Variants in GLI2 observed in about 807,000 individuals in gnomAD.
GLI2 encodes GLI family zinc finger 2, also known as transcription activator GLI2.
Under a neutral mutation model 78.9 loss-of-function variants are expected in GLI2, and 22 were observed. That is an observed-to-expected ratio of 0.28 (90% CI 0.20 to 0.40). The LOEUF is 0.40. GLI2 is among the 10% of genes least tolerant of loss of function. GLI2 has a pLI of 1.00. For synonymous variants in GLI2, 974 were observed against 963.7 expected (o/e 1.01, Z -0.20); for missense variants, 2,097 against 2,213.2 (o/e 0.95, Z 1.05).
intron 2 of GLI2, among the ~76,000 whole-genome samples, chr2:120,920,273 A>G (rs1408393663): frequency 1.3e-5 from 2 of 152,264 alleles, no homozygotes; most frequent in East Asian, 3.8e-4. Flanking sequence ...GAGCCCAGCC[A>G]CGGGGCAGTG....
chr2:120,832,900 A>C (rs994441991), intron 2 of GLI2, among the ~76,000 whole-genome samples: 2 of 152,038 alleles, frequency 1.3e-5, no homozygotes, highest in Non-Finnish European at 2.9e-5. Context: ...TTCCTCTCTG[A>C]GACCCTTCCT....
At chr2:120,848,820 G>A (rs1687247206) in intron 2 of GLI2, among the ~76,000 whole-genome samples, 1 of 152,198 alleles carries the variant, frequency 6.6e-6, no homozygotes, top group Admixed American at 6.5e-5. Flanking sequence ...GAAGGAAGGA[G>A]TGGCAGGAAG....
At chr2:120,819,224 G>T (rs1465757996) in intron 2 of GLI2, among the ~76,000 whole-genome samples, 1 of 146,932 alleles carries the variant, frequency 6.8e-6, no homozygotes, top group Non-Finnish European at 1.5e-5. Flanking sequence ...GAGTGACAGA[G>T]TGCCACTAAT....
chr2:120,924,303 G>A (rs997423527), intron 2 of GLI2, among the ~76,000 whole-genome samples: 13 of 152,278 alleles, frequency 8.5e-5, no homozygotes, highest in South Asian at 4.1e-4. Context: ...GTGGTGGGTC[G>A]ATGGGGGTCT....
At chr2:120,793,686 C>T (rs1684252388) in intron 1 of GLI2, among the ~76,000 whole-genome samples, 1 of 152,218 alleles carries the variant, frequency 6.6e-6, no homozygotes, top group Non-Finnish European at 1.5e-5. Flanking sequence ...TGCATCTGCT[C>T]CCCACAGGCG....
chr2:120,821,839 C>T (rs527688229), intron 2 of GLI2, among the ~76,000 whole-genome samples: 16 of 152,310 alleles, frequency 1.1e-4, no homozygotes, highest in African/African-American at 3.1e-4. Flanking sequence ...ACCAGGGCCG[C>T]CCAGCTGGAT....
chr2:120,754,207 T>A lies in GLI2; in HGVS notation c.-31+17922T>A, dbSNP rs534029998. On this transcript the variant is annotated intron_variant, in intron 1 of 13. Coordinates refer to ENST00000361492, the MANE Select transcript of GLI2 (RefSeq NM_001374353.1). ...GAAGTTTACACTCCCACCAGCAACG[T>A]ACGAGAGTGCTTATCTGCCCATATC... 5.3e-5 allele frequency among the ~76,000 whole-genome samples: 8 copies of A among 152,324 alleles called. No homozygotes were observed. In the South Asian group the frequency reaches 1.7e-3, roughly 32 times the overall value.
chr2:120,915,320 G>A (rs570326083), intron 2 of GLI2, among the ~76,000 whole-genome samples: 6 of 152,362 alleles, frequency 3.9e-5, no homozygotes, highest in East Asian at 1.9e-4. Flanking sequence ...TCAGCCAGCC[G>A]GACACCAGCC....
intron 2 of GLI2, among the ~76,000 whole-genome samples, chr2:120,905,255 ACT>A (rs999016795): frequency 2.6e-5 from 4 of 151,942 alleles, no homozygotes; most frequent in Non-Finnish European, 4.4e-5. Context: ...GGAAGCCCAA[ACT>A]CAGCCTACTG....
chr2:120,907,171 C>T (rs978410969), intron 2 of GLI2, among the ~76,000 whole-genome samples: 2 of 152,186 alleles, frequency 1.3e-5, no homozygotes, highest in Non-Finnish European at 2.9e-5. Context: ...ACACAGGGCT[C>T]TCGGAGTCCC....
chr2:120,777,126 G>A (rs766125607), intron 1 of GLI2, among the ~76,000 whole-genome samples: 8 of 152,202 alleles, frequency 5.3e-5, no homozygotes, highest in Non-Finnish European at 1.0e-4. Context: ...TGTGAGAGTG[G>A]ATGAATGTGA....
Position 120,797,603 on chromosome 2 carries a change from G to A in GLI2, c.148+135G>A. The A allele has an allele frequency of 9.8e-6, 8 of 820,392 alleles. No individual in the cohort carries two copies. In the South Asian group the frequency reaches 1.3e-4, roughly 14 times the overall value. 50.8% of individuals were successfully genotyped at this position (820,392 alleles called of 1,614,324 possible). On this transcript the variant is annotated intron_variant, in intron 2 of 13. Coordinates refer to ENST00000361492, the MANE Select transcript of GLI2 (RefSeq NM_001374353.1). ...GGAGGGCGAAGAGGAAGGCACCTCT[G>A]CTCCCAGGAATCCCAGGCACCATGA... is the stretch of plus-strand genomic sequence containing the variant.
Position 120,839,810 on chromosome 2 carries a change from G to C in GLI2, c.148+42342G>C, listed in dbSNP as rs199920833. Reference sequence around the variant, plus strand: ...ACTCTGGACCTCAAGTAATCCACCTGCCTTGGCCTCCCAAAGTGCTGGGAT... The same window carrying C: ...ACTCTGGACCTCAAGTAATCCACCTCCCTTGGCCTCCCAAAGTGCTGGGAT... On this transcript the variant is annotated intron_variant, in intron 2 of 13. Coordinates refer to ENST00000361492, the MANE Select transcript of GLI2 (RefSeq NM_001374353.1). Among the ~76,000 whole-genome samples, 22 of 152,286 alleles carry C rather than the reference G, an allele frequency of 1.4e-4. No homozygotes were observed. The East Asian group carries it at 4.1e-3, about 28-fold the overall frequency.
chr2:120,860,190 A>G (rs185810148), intron 2 of GLI2, among the ~76,000 whole-genome samples: 83 of 152,290 alleles, frequency 5.5e-4, no homozygotes, highest in African/African-American at 1.7e-3. Context: ...AGCAGAGGTA[A>G]TGGACCAGGG....
chr2:120,982,265 G>A lies in GLI2; in HGVS notation c.1468-451G>A, dbSNP rs1573724808. Reference sequence around the variant, plus strand: ...TGGCCGACTCACTCAAGGACTTGAAGGACTGAATTTTATTCTCAGCATGTT... The same window carrying A: ...TGGCCGACTCACTCAAGGACTTGAAAGACTGAATTTTATTCTCAGCATGTT... On this transcript the variant is annotated intron_variant, in intron 10 of 13. Coordinates refer to ENST00000361492, the MANE Select transcript of GLI2 (RefSeq NM_001374353.1). 1.3e-5 allele frequency among the ~76,000 whole-genome samples: 2 copies of A among 152,294 alleles called. 1 individual carries two copies. Among genetic ancestry groups the A allele is most frequent in the South Asian group, 4.2e-4 (2 of 4,818 alleles).
intron 5 of GLI2, among the ~76,000 whole-genome samples, chr2:120,956,873 C>T (rs575654857): frequency 3.3e-5 from 5 of 152,262 alleles, no homozygotes; most frequent in African/African-American, 1.2e-4. Context: ...CCGACCCGCC[C>T]CCAGGGCTCT....
Position 120,793,060 on chromosome 2 carries a change from G to A in GLI2, c.-30-4231G>A, listed in dbSNP as rs185463074. ...CTTGCCACCCCCTGCCTAGACTTGG[G>A]GAATCACAATCTCCAGGGGAAGGCC... is the stretch of plus-strand genomic sequence containing the variant. On this transcript the variant is annotated intron_variant, in intron 1 of 13. Coordinates refer to ENST00000361492, the MANE Select transcript of GLI2 (RefSeq NM_001374353.1). Among the ~76,000 whole-genome samples the A allele has an allele frequency of 3.9e-3, 596 of 152,306 alleles. 5 individuals carry two copies. The highest frequency in any genetic ancestry group is 0.014 in the African/African-American group (566 of 41,574).
intron 2 of GLI2, among the ~76,000 whole-genome samples, chr2:120,838,000 A>C (rs536338381): frequency 1.3e-5 from 2 of 152,302 alleles, no homozygotes; most frequent in East Asian, 3.9e-4. Flanking sequence ...TTTAGGATCA[A>C]CTTGTTAGAG....
chr2:120,974,779 AGTGT>A (rs3043526), intron 8 of GLI2, 192 bp from the exon 9 acceptor site: 20,819 of 574,940 alleles, frequency 0.036, 48 homozygotes, highest in Middle Eastern at 0.045. Flanking sequence ...AAGGCTGATG[AGTGT>A]GTGTGTGTGT....
Sources: allele counts gnomAD v4.1 joint callset (sites outside exome capture counted in the v4.1 genomes callset), GRCh38; gene constraint gnomAD v4.1.1; transcripts MANE v1.5; gene names NCBI Gene and HGNC (gene_info 2026-07-23, HGNC 2026-07-21).